OSBPL3: variants seen among roughly 807,000 people sequenced by gnomAD.
OSBPL3 encodes oxysterol-binding protein-related protein 3.
A neutral mutation model predicts 120.1 loss-of-function variants in OSBPL3; 65 were observed. The ratio of observed to expected loss-of-function variants is 0.54; its 90% CI spans 0.44 to 0.67. OSBPL3 has a LOEUF of 0.67. OSBPL3 is among the 30% of genes least tolerant of loss of function. OSBPL3 has a pLI of 0.00. For synonymous variants in OSBPL3, 416 were observed against 402.6 expected, an observed-to-expected ratio of 1.03 and a Z score of -0.40; for missense variants, 1,004 against 1,082.1, an observed-to-expected ratio of 0.93 and a Z score of 1.01.
intron 11 of OSBPL3, among the ~76,000 whole-genome samples, chr7:24,850,026 C>T (rs911930080): frequency 3.3e-5 from 5 of 151,982 alleles, no homozygotes; most frequent in African/African-American, 1.2e-4. Flanking sequence ...TACTCTTTTC[C>T]AATATGGGTA....
Position 24,808,223 on chromosome 7 carries a change from A to G in OSBPL3, c.2318-1321T>C, listed in dbSNP as rs2051755. Among the ~76,000 whole-genome samples, 112,934 of 152,120 alleles carry G rather than the reference A, an allele frequency of 0.74. 43,014 individuals carry two copies. The highest frequency in any genetic ancestry group is 0.98 in the East Asian group (5,079 of 5,180). ...ACTGGGACCCATTTTTTGAATCTTC[A>G]TAAGTCCTCCTTGTAACTAGTCTAA... On this transcript the variant is annotated intron_variant, in intron 20 of 22. Transcript: ENST00000313367. This position sits in a 1 kb window ranked among gnomAD's most constrained non-coding sequence, Gnocchi z 4.6.
intron 5 of OSBPL3, among the ~76,000 whole-genome samples, chr7:24,869,543 T>C (rs893026926): frequency 6.6e-6 from 1 of 152,226 alleles, no homozygotes; most frequent in Non-Finnish European, 1.5e-5. Context: ...GACATTTTTG[T>C]TGTCATAACT....
At chr7:24,951,126 G>A (rs1814379242) in intron 1 of OSBPL3, among the ~76,000 whole-genome samples, 1 of 152,156 alleles carries the variant, frequency 6.6e-6, no homozygotes, top group South Asian at 2.1e-4. Flanking sequence ...ATTATTGATT[G>A]TAGCATCAAG....
chr7:24,917,558 G>A (rs1428949687), intron 1 of OSBPL3, among the ~76,000 whole-genome samples: 1 of 151,106 alleles, frequency 6.6e-6, no homozygotes, highest in Non-Finnish European at 1.5e-5. Context: ...GCAGTTCTTA[G>A]AGAACAGACA....
At chr7:24,920,508 T>C (rs188522306) in intron 1 of OSBPL3, among the ~76,000 whole-genome samples, 1 of 152,306 alleles carries the variant, frequency 6.6e-6, no homozygotes, top group East Asian at 1.9e-4. Context: ...AACAAAGTAA[T>C]ATGGAGTTTC....
chr7:24,883,652 A>G lies in OSBPL3; in HGVS notation c.96+8725T>C, dbSNP rs1029351119. Among the ~76,000 whole-genome samples, 4 of 152,238 alleles carry G rather than the reference A, an allele frequency of 2.6e-5. No homozygotes were observed. Among genetic ancestry groups the G allele is most frequent in the Non-Finnish European group, 5.9e-5 (4 of 68,040 alleles). ...CCCAAATATATTTGCTGTGATTATT[A>G]TTCCAGGATTGCAGAACAATACAGA... is the stretch of plus-strand genomic sequence containing the variant. On this transcript the variant is annotated intron_variant, in intron 2 of 22. Coordinates refer to ENST00000313367, the MANE Select transcript of OSBPL3 (RefSeq NM_015550.4). The surrounding 1 kb of genome is among the most constrained non-coding windows in gnomAD (Gnocchi z 5.4).
At position 24,946,800 on chromosome 7, in the gene OSBPL3, G is replaced by A. The variant is rs1427496779; in HGVS notation, c.-150+33086C>T. Among the ~76,000 whole-genome samples the A allele has an allele frequency of 3.9e-5, 6 of 152,032 alleles. No individual in the cohort carries two copies. Among genetic ancestry groups the A allele is most frequent in the African/African-American group, 1.5e-4 (6 of 41,318 alleles). ...TTTGGATTCATGAGCTGAAGTAGCA[G>A]GGATGTGTGGGAGAAAGAGAAAGAG... On this transcript the variant is annotated intron_variant, in intron 1 of 22. Coordinates refer to ENST00000313367, the MANE Select transcript of OSBPL3 (RefSeq NM_015550.4). This position sits in a 1 kb window ranked among gnomAD's most constrained non-coding sequence, Gnocchi z 4.3.
chr7:24,816,009 T>C (rs1036117551), intron 18 of OSBPL3, among the ~76,000 whole-genome samples: 3 of 152,154 alleles, frequency 2.0e-5, no homozygotes, highest in African/African-American at 4.8e-5. Context: ...CAAAGCAGCA[T>C]AATAAAGGAA....
rs1219856394 is a variant in OSBPL3 at position 24,818,094 on chromosome 7, T to C, written c.1949-1406A>G. On this transcript the variant is annotated intron_variant, in intron 17 of 22. Transcript: ENST00000313367. The surrounding 1 kb of genome is among the most constrained non-coding windows in gnomAD (Gnocchi z 4.0). The stretch of plus-strand genomic sequence containing the variant: ...GCCTCATATTGTTTAATCCTATTTA[T>C]ATAAAATGCCCCAAACAGGCACATT... Among the ~76,000 whole-genome samples the C allele has an allele frequency of 2.0e-5, 3 of 152,184 alleles. No homozygotes were observed. Among genetic ancestry groups the C allele is most frequent in the Non-Finnish European group, 2.9e-5 (2 of 68,046 alleles).
At position 24,922,068 on chromosome 7, in the gene OSBPL3, T is replaced by C. The variant is rs1238459074; in HGVS notation, c.-149-29447A>G. Among the ~76,000 whole-genome samples the C allele has an allele frequency of 6.6e-6, 1 of 152,248 alleles. No homozygotes were observed. Among genetic ancestry groups the C allele is most frequent in the Non-Finnish European group, 1.5e-5 (1 of 68,034 alleles). ...CTCAAAAACGCTTGTGGAATCTCTA[T>C]ACTTCTAACATTGTTAGTATTGTGA... On this transcript the variant is annotated intron_variant, in intron 1 of 22. Coordinates refer to ENST00000313367, the MANE Select transcript of OSBPL3 (RefSeq NM_015550.4). This position sits in a 1 kb window ranked among gnomAD's most constrained non-coding sequence, Gnocchi z 4.3.
At chr7:24,931,389 A>C (rs1275396241) in intron 1 of OSBPL3, among the ~76,000 whole-genome samples, 1 of 152,132 alleles carries the variant, frequency 6.6e-6, no homozygotes, top group Non-Finnish European at 1.5e-5. Flanking sequence ...CTCAGATATG[A>C]TGGGGAGATT....
chr7:24,860,602 T>C (rs1411765366), intron 10 of OSBPL3, among the ~76,000 whole-genome samples: 1 of 152,216 alleles, frequency 6.6e-6, no homozygotes, highest in East Asian at 1.9e-4. Flanking sequence ...CCATTAAACC[T>C]CTTTTTCTTT....
intron 10 of OSBPL3, among the ~76,000 whole-genome samples, chr7:24,858,072 A>C (rs1358082205): frequency 6.6e-6 from 1 of 152,244 alleles, no homozygotes; most frequent in Non-Finnish European, 1.5e-5. Flanking sequence ...ACAAAGCCAG[A>C]AACATAAGCC....
intron 16 of OSBPL3, among the ~76,000 whole-genome samples, chr7:24,828,033 CT>C (rs1265076488): frequency 6.6e-6 from 1 of 151,256 alleles, no homozygotes; most frequent in South Asian, 2.1e-4. Context: ...ATTCTTTTCC[CT>C]TTTTTTTTGA....
intron 19 of OSBPL3, among the ~76,000 whole-genome samples, chr7:24,810,615 T>C (rs781633712): frequency 2.0e-5 from 3 of 152,214 alleles, no homozygotes; most frequent in African/African-American, 7.2e-5. Context: ...AGTCATCATG[T>C]TGTACGATAG....
In OSBPL3 at chr7:24,860,399, T is replaced by C. The variant is rs186004841; in HGVS notation, c.1027+1214A>G. On this transcript the variant is annotated intron_variant, in intron 10 of 22. Coordinates refer to ENST00000313367, the MANE Select transcript of OSBPL3 (RefSeq NM_015550.4). ...GTTATGGGAGGGACTCAGTGAAGGATAATTGAATCACGGGGGTGGCTTCCC... is the reference window on the plus strand; with the variant it reads ...GTTATGGGAGGGACTCAGTGAAGGACAATTGAATCACGGGGGTGGCTTCCC... Among the ~76,000 whole-genome samples, 306 of 152,328 alleles carry C rather than the reference T, an allele frequency of 2.0e-3. 1 individual carries two copies. Among genetic ancestry groups the C allele is most frequent in the African/African-American group, 7.2e-3 (301 of 41,572 alleles).
chr7:24,961,882 G>A (rs956590770), intron 1 of OSBPL3, among the ~76,000 whole-genome samples: 7 of 152,098 alleles, frequency 4.6e-5, no homozygotes, highest in African/African-American at 9.7e-5. Flanking sequence ...GGATAGCATC[G>A]AGCTGGCCAT....
rs1162458124 is a variant in OSBPL3, at chr7:24,852,342, T to G, written c.1158+162A>C. On this transcript the variant is annotated intron_variant, in intron 11 of 22. Coordinates refer to ENST00000313367, the MANE Select transcript of OSBPL3 (RefSeq NM_015550.4). The surrounding 1 kb of genome is among the most constrained non-coding windows in gnomAD (Gnocchi z 4.1). ...AGCTATTAAGACTTGGATAGGTAAG[T>G]TTTGGTGTTTCAAATAAGCAGATTT... is the stretch of plus-strand genomic sequence containing the variant. Among the ~76,000 whole-genome samples the G allele has an allele frequency of 6.6e-6, 1 of 152,208 alleles. No homozygotes were observed. Among genetic ancestry groups the G allele is most frequent in the Non-Finnish European group, 1.5e-5 (1 of 68,038 alleles).
Position 24,936,586 on chromosome 7 carries a change from A to T in OSBPL3, c.-150+43300T>A, listed in dbSNP as rs1373230459. 1.3e-5 allele frequency among the ~76,000 whole-genome samples: 2 copies of T among 152,026 alleles called. No homozygotes were observed. Among genetic ancestry groups the T allele is most frequent in the Non-Finnish European group, 2.9e-5 (2 of 67,992 alleles). ...AAGGACCCTAGCTGTGGGCCTTGAAACCTCCTATTTGGGCTTCTGCCAGGT... is the reference window on the plus strand; with the variant it reads ...AAGGACCCTAGCTGTGGGCCTTGAATCCTCCTATTTGGGCTTCTGCCAGGT... On this transcript the variant is annotated intron_variant, in intron 1 of 22. Coordinates refer to ENST00000313367, the MANE Select transcript of OSBPL3 (RefSeq NM_015550.4). The surrounding 1 kb of genome is among the most constrained non-coding windows in gnomAD (Gnocchi z 4.2).
Sources: gnomAD v4.1 joint callset for allele counts (sites outside exome capture counted in the v4.1 genomes callset) on GRCh38, gnomAD v4.1.1 for gene constraint, Gnocchi (gnomAD v3.1) non-coding constraint, MANE v1.5 for transcripts, NCBI Gene and HGNC (gene_info 2026-07-23, HGNC 2026-07-21) for gene names.